The following KREMEN1 variants were observed in gnomAD, a reference collection of about 807,000 sequenced individuals.
KREMEN1 encodes kremen protein 1.
KREMEN1 carries 30 observed loss-of-function variants against 46.5 expected under a neutral mutation model. That is an observed-to-expected ratio of 0.65 (90% CI 0.48 to 0.88). The LOEUF (loss-of-function observed/expected upper bound fraction) is 0.88. KREMEN1 is among the 40% of genes least tolerant of loss of function. The pLI is 0.00. For synonymous variants in KREMEN1, 214 were observed against 230.6 expected (o/e 0.93, Z 0.65); for missense variants, 533 against 596.9 (o/e 0.89, Z 1.11).
At chr22:29,137,287 C>T (rs34946378) in intron 5 of KREMEN1, 55 bp from the exon 6 acceptor site, 203,518 of 1,267,638 alleles carry the variant, frequency 0.16, 17,872 homozygotes, top group Non-Finnish European at 0.17. Context: ...GTGTTGGAAG[C>T]GCGCCTGTGG....
At chr22:29,141,263 G>A (rs2038757484) in intron 8 of KREMEN1, among the ~76,000 whole-genome samples, 1 of 148,988 alleles carries the variant, frequency 6.7e-6, no homozygotes, top group Non-Finnish European at 1.5e-5. Context: ...GCATGTGCAT[G>A]TGTGTGTGTG....
At chr22:29,111,963 G>T (rs958281974) in intron 3 of KREMEN1, among the ~76,000 whole-genome samples, 4 of 152,158 alleles carry the variant, frequency 2.6e-5, no homozygotes, top group South Asian at 4.1e-4. Flanking sequence ...TTGAGCAAAA[G>T]AAATCAATTT....
chr22:29,101,790 C>G (rs1450466385), intron 3 of KREMEN1, among the ~76,000 whole-genome samples: 1 of 152,180 alleles, frequency 6.6e-6, no homozygotes, highest in Admixed American at 6.5e-5. Context: ...AGTAGACTAT[C>G]ACATCTCAGT....
intron 5 of KREMEN1, among the ~76,000 whole-genome samples, chr22:29,127,325 G>GT (rs1391029788): frequency 6.6e-6 from 1 of 152,120 alleles, no homozygotes; most frequent in Non-Finnish European, 1.5e-5. Flanking sequence ...TTTACTACCT[G>GT]TTTTTTGACT....
chr22:29,133,837 GTA>G (rs1246777159), intron 5 of KREMEN1, among the ~76,000 whole-genome samples: 45 of 151,872 alleles, frequency 3.0e-4, no homozygotes, highest in Admixed American at 1.0e-3. Context: ...GCAATTACAC[GTA>G]TGTTAGACTA....
At chr22:29,120,364 TGGAGGAGGGAGAGGTGATAATGGAAACAG>T (rs2038323507) in intron 3 of KREMEN1, among the ~76,000 whole-genome samples, 61 of 51,464 alleles carry the variant, frequency 1.2e-3, no homozygotes, top group East Asian at 5.8e-3. Flanking sequence ...ATGAAGGAAA[TGGAGGAGGGAGAGGTGATAATGGAAACAG>T]GGAGGAGGGA....
intron 3 of KREMEN1, among the ~76,000 whole-genome samples, chr22:29,117,567 C>CAA (rs35241450): frequency 1.5e-5 from 2 of 135,934 alleles, no homozygotes; most frequent in Non-Finnish European, 1.6e-5. Context: ...ACTCCGTCTC[C>CAA]AAAAAAAAAA....
chr22:29,130,326 C>G (rs1428091098), intron 5 of KREMEN1, among the ~76,000 whole-genome samples: 1 of 152,168 alleles, frequency 6.6e-6, no homozygotes, highest in Non-Finnish European at 1.5e-5. Flanking sequence ...TAGGATCTGG[C>G]TCCTGGGACT....
intron 1 of KREMEN1, among the ~76,000 whole-genome samples, chr22:29,079,222 C>T (rs545376377): frequency 6.6e-5 from 10 of 152,334 alleles, no homozygotes; most frequent in African/African-American, 1.4e-4. Context: ...TCCTTCCCCT[C>T]CTTTTAAATT....
At chr22:29,125,479 C>G (rs2038427389) in intron 5 of KREMEN1, 63 bp downstream of exon 5, 3 of 1,529,072 alleles carry the variant, frequency 2.0e-6, no homozygotes, top group South Asian at 1.2e-5. Flanking sequence ...GAGCAACAAG[C>G]CTGCCCACCC....
At chr22:29,096,527 C>T (rs1197440624) in intron 2 of KREMEN1, among the ~76,000 whole-genome samples, 2 of 152,136 alleles carry the variant, frequency 1.3e-5, no homozygotes, top group Non-Finnish European at 2.9e-5. Flanking sequence ...TCTCCTTAGC[C>T]CTGATCAGCC....
chr22:29,074,924 ATTTTAATAATAC>A (rs2037542447), intron 1 of KREMEN1, among the ~76,000 whole-genome samples: 1 of 152,200 alleles, frequency 6.6e-6, no homozygotes, highest in Admixed American at 6.5e-5. Context: ...CAATAAACAT[ATTTTAATAATAC>A]TTTTATAGGG....
chr22:29,085,798 C>T (rs902690860), intron 1 of KREMEN1, among the ~76,000 whole-genome samples: 4 of 151,984 alleles, frequency 2.6e-5, no homozygotes, highest in Non-Finnish European at 5.9e-5. Context: ...AATGTAGACC[C>T]CATATCTACA....
intron 7 of KREMEN1, among the ~76,000 whole-genome samples, chr22:29,139,326 G>A (rs964128231): frequency 1.3e-5 from 2 of 152,230 alleles, no homozygotes; most frequent in African/African-American, 4.8e-5. Context: ...GCAGGGCCAG[G>A]TGCAGTGGCT....
Position 29,073,181 on chromosome 22 carries a change from G to A in KREMEN1, c.51G>A (p.Thr17=). Residue 17 remains threonine, a synonymous_variant, in exon 1 of 9, where the codon ACG becomes ACA. Transcript: ENST00000400335. This position sits in a 1 kb window ranked among gnomAD's most constrained non-coding sequence, Gnocchi z 4.4. ...CCCTGCTCTCCGCCGCGGCGCTCAC[G>A]CTGGCGGCCCGGCCCGCGCCTAGCC... ...RLALLSAAAL[T]LAARPAPSPG... is the part of the protein sequence containing the mutation. The A allele has an allele frequency of 8.5e-7, 1 of 1,179,654 alleles. No homozygotes were observed. The highest frequency in any genetic ancestry group is 1.0e-6 in the Non-Finnish European group (1 of 956,638). The allele number at this position is 1,179,654 out of a possible 1,614,324, so 73.1% of individuals were successfully genotyped here.
chr22:29,137,308 G>C (rs754457724), intron 5 of KREMEN1, 34 bp from the exon 6 acceptor site: 1 of 1,424,450 alleles, frequency 7.0e-7, no homozygotes, highest in Admixed American at 2.4e-5. Flanking sequence ...CAAAGGCCCA[G>C]ACTGAGGGCG....
At chr22:29,151,333 G>C (rs535276746), downstream of KREMEN1, among the ~76,000 whole-genome samples, 7 of 152,314 alleles carry the variant, frequency 4.6e-5, no homozygotes, top group East Asian at 1.4e-3. Context: ...ACGAATAACA[G>C]GATACATTTT....
At chr22:29,094,998 C>T (rs906617401) in intron 2 of KREMEN1, among the ~76,000 whole-genome samples, 1 of 152,144 alleles carries the variant, frequency 6.6e-6, no homozygotes, top group Non-Finnish European at 1.5e-5. Context: ...TGATCACTTC[C>T]TTGTCTCTTT....
chr22:29,100,047 T>C (rs1229146409), intron 3 of KREMEN1, among the ~76,000 whole-genome samples: 1 of 151,784 alleles, frequency 6.6e-6, no homozygotes, highest in Non-Finnish European at 1.5e-5. Context: ...TTTTCTACTC[T>C]TCTTTCTTCC....
Sources: allele counts gnomAD v4.1 joint callset (sites outside exome capture counted in the v4.1 genomes callset), GRCh38; gene constraint gnomAD v4.1.1; non-coding constraint Gnocchi (gnomAD v3.1); transcripts MANE v1.5; gene names NCBI Gene and HGNC (gene_info 2026-07-23, HGNC 2026-07-21).